Variants in BTC observed in about 807,000 individuals in gnomAD.
The protein encoded by BTC is probetacellulin.
In BTC, 13 loss-of-function variants were observed where a neutral mutation model predicts 18.1. The observed-to-expected ratio is 0.72, with a 90% CI of 0.47 to 1.14. The LOEUF (loss-of-function observed/expected upper bound fraction) is 1.14, where lower values mean the gene tolerates loss of function less well. BTC is among the 50% of genes most tolerant of loss of function. BTC has a pLI of 0.00. For synonymous variants in BTC, 83 were observed against 79.4 expected (o/e 1.05, Z -0.24); for missense variants, 247 against 224.2 (o/e 1.10, Z -0.65).
chr4:74,745,620 A>G lies in BTC; in HGVS notation c.*1057T>C, dbSNP rs551215175. 1.9e-3 allele frequency: 290 copies of G among 152,308 alleles called. 1 individual carries two copies. Among genetic ancestry groups the G allele is most frequent in the African/African-American group, 6.7e-3 (279 of 41,560 alleles). 9.4% of individuals were successfully genotyped at this position (152,308 alleles called of 1,614,324 possible). On this transcript the variant is annotated 3_prime_UTR_variant, in exon 6 of 6. Transcript: ENST00000395743. ...GATGTTATGGTCATGAATTTACTGC[A>G]TCAAAATTTACCTGAGAGCAATCAT...
At chr4:74,786,798 C>T (rs1374739630) in intron 1 of BTC, among the ~76,000 whole-genome samples, 1 of 151,894 alleles carries the variant, frequency 6.6e-6, no homozygotes, top group Admixed American at 6.6e-5. Flanking sequence ...TCTGAATCCT[C>T]AATACAAAAC....
intron 1 of BTC, among the ~76,000 whole-genome samples, chr4:74,776,841 A>G (rs540643940): frequency 9.8e-5 from 15 of 152,296 alleles, no homozygotes; most frequent in Admixed American, 7.9e-4. Context: ...CAAAATGTCC[A>G]TTCATTTATA....
chr4:74,775,980 G>T (rs1725165272), intron 1 of BTC, among the ~76,000 whole-genome samples: 1 of 152,156 alleles, frequency 6.6e-6, no homozygotes, highest in Non-Finnish European at 1.5e-5. Flanking sequence ...GTCTGGCAAA[G>T]ACAGAATAAA....
intron 1 of BTC, among the ~76,000 whole-genome samples, chr4:74,791,969 T>TCA (rs3087019): frequency 0.41 from 54,867 of 134,062 alleles, 12,009 homozygotes; most frequent in East Asian, 0.57. Flanking sequence ...TTCCACCATC[T>TCA]CACACACACA....
intron 1 of BTC, among the ~76,000 whole-genome samples, chr4:74,793,244 TC>T (rs1015027788): frequency 6.6e-6 from 1 of 152,216 alleles, no homozygotes; most frequent in Non-Finnish European, 1.5e-5. Flanking sequence ...CTAAGTCTGA[TC>T]CACCTCCAAG....
At chr4:74,772,048 C>A (rs773509136) in intron 1 of BTC, among the ~76,000 whole-genome samples, 1 of 152,112 alleles carries the variant, frequency 6.6e-6, no homozygotes, top group African/African-American at 2.4e-5. Flanking sequence ...AATAATATAG[C>A]GTGATCTGTT....
At chr4:74,787,032 C>T (rs1312508206) in intron 1 of BTC, among the ~76,000 whole-genome samples, 2 of 151,880 alleles carry the variant, frequency 1.3e-5, no homozygotes, top group East Asian at 3.9e-4. Flanking sequence ...CCAACAGCCA[C>T]TTACATTCAT....
intron 2 of BTC, among the ~76,000 whole-genome samples, chr4:74,763,523 C>T (rs28431134): frequency 0.22 from 33,480 of 151,574 alleles, 4,624 homozygotes; most frequent in African/African-American, 0.39. Context: ...TATTTGTAAA[C>T]AATACATTTA....
At chr4:74,774,559 CAAAT>C (rs1379209349) in intron 1 of BTC, among the ~76,000 whole-genome samples, 1 of 145,500 alleles carries the variant, frequency 6.9e-6, no homozygotes, top group Non-Finnish European at 1.5e-5. Context: ...AAGAAAAGGA[CAAAT>C]AAAGTTGTAG....
intron 1 of BTC, among the ~76,000 whole-genome samples, chr4:74,770,823 G>T (rs976948203): frequency 5.3e-5 from 8 of 151,674 alleles, no homozygotes; most frequent in Non-Finnish European, 8.8e-5. Context: ...ACACTGACTG[G>T]ACACTAGATA....
At chr4:74,779,114 CCTT>C (rs35675789) in intron 1 of BTC, among the ~76,000 whole-genome samples, 26,511 of 151,886 alleles carry the variant, frequency 0.17, 3,734 homozygotes, top group African/African-American at 0.4. Flanking sequence ...AATATGAACT[CCTT>C]CTTCCTCCAA....
intron 5 of BTC, 133 bp downstream of exon 5, chr4:74,747,907 C>A (rs1174918667): frequency 1.6e-5 from 8 of 486,598 alleles, no homozygotes; most frequent in Non-Finnish European, 2.5e-5. Flanking sequence ...ATGAAAAAAA[C>A]CATTGATTTA....
At chr4:74,782,848 A>T (rs112917217) in intron 1 of BTC, among the ~76,000 whole-genome samples, 33 of 152,172 alleles carry the variant, frequency 2.2e-4, no homozygotes, top group African/African-American at 7.7e-4. Flanking sequence ...TTCTCTAATG[A>T]TCGGTGATGT....
chr4:74,783,496 A>C (rs1445312740), intron 1 of BTC, among the ~76,000 whole-genome samples: 1 of 150,984 alleles, frequency 6.6e-6, no homozygotes, highest in Non-Finnish European at 1.5e-5. Context: ...TGTTTTGGTT[A>C]CGGTAGCCCT....
chr4:74,752,647 G>A (rs574746766), intron 3 of BTC, among the ~76,000 whole-genome samples: 131 of 152,060 alleles, frequency 8.6e-4, no homozygotes, highest in Non-Finnish European at 1.6e-3. Context: ...CCAAAGTGCT[G>A]GGATTACAGG....
chr4:74,760,513 C>T (rs1190120863), intron 2 of BTC, among the ~76,000 whole-genome samples: 2 of 152,174 alleles, frequency 1.3e-5, no homozygotes, highest in Non-Finnish European at 2.9e-5. Context: ...CCAGCTATCT[C>T]TGGTCAGGGA....
chr4:74,760,696 A>T (rs1209723624), intron 2 of BTC, among the ~76,000 whole-genome samples: 1 of 151,326 alleles, frequency 6.6e-6, no homozygotes, highest in African/African-American at 2.4e-5. Flanking sequence ...TTGCTTATGT[A>T]GGAGTTCAGT....
At chr4:74,784,629 C>G (rs1481742365) in intron 1 of BTC, among the ~76,000 whole-genome samples, 4 of 152,154 alleles carry the variant, frequency 2.6e-5, no homozygotes, top group Non-Finnish European at 5.9e-5. Flanking sequence ...GAGTTTTTAA[C>G]ACGAAGGGAT....
intron 4 of BTC, among the ~76,000 whole-genome samples, chr4:74,749,451 C>T (rs888222152): frequency 6.6e-6 from 1 of 150,890 alleles, no homozygotes; most frequent in Non-Finnish European, 1.5e-5. Context: ...CCATTGCACT[C>T]CAGCCTGGGC....
Sources: gnomAD v4.1 joint callset for allele counts (sites outside exome capture counted in the v4.1 genomes callset) on GRCh38, gnomAD v4.1.1 for gene constraint, MANE v1.5 for transcripts, NCBI Gene and HGNC (gene_info 2026-07-23, HGNC 2026-07-21) for gene names.